Variants in OCRL observed in about 807,000 individuals in gnomAD.
OCRL encodes the protein OCRL inositol polyphosphate-5-phosphatase.
In OCRL, 8 loss-of-function variants were observed where a neutral mutation model predicts 78.9. The ratio of observed to expected loss-of-function variants is 0.10; its 90% CI spans 0.06 to 0.18. OCRL has a LOEUF of 0.18. Ranked by LOEUF, OCRL falls within the 10% of genes least tolerant of loss-of-function variation. The pLI, the probability that OCRL is intolerant of heterozygous loss-of-function variation, is 1.00. For missense variants in OCRL, 454 were observed against 696.7 expected, an observed-to-expected ratio of 0.65 and a Z score of 3.92; for synonymous variants, 240 against 235.4, an observed-to-expected ratio of 1.02 and a Z score of -0.18.
In OCRL at chrX:129,540,455, C is replaced by G. The variant is rs1390002989; in HGVS notation, c.16C>G (p.Pro6Ala). Residue 6 changes from proline (P) to alanine (A), a missense_variant, in exon 1 of 24, where the codon CCG (proline) becomes GCG (alanine). Physicochemically the swap from Pro to Ala is conservative, Grantham distance 27. This residue lies in a region of OCRL where 177 missense variants were observed against 179.6 expected (regional missense o/e 0.99). Transcript: ENST00000371113. MEPPL[P>A]VGAQPLATVE... The stretch of plus-strand genomic sequence containing the variant: ...GGCCGCCTGGATGGAGCCGCCGCTC[C>G]CGGTCGGAGCCCAGCCGCTTGCCGT... 4 of 1,151,990 alleles carry G rather than the reference C, an allele frequency of 3.5e-6. No homozygotes were observed. The African/African-American group carries it at 7.3e-5, about 21-fold the overall frequency. The allele number at this position is 1,151,990 out of a possible 1,213,427, so 94.9% of individuals were successfully genotyped here.
intron 4 of OCRL, among the ~76,000 whole-genome samples, chrX:129,550,618 C>T (rs1935947162): frequency 9.0e-6 from 1 of 110,810 alleles, no homozygotes; most frequent in Non-Finnish European, 1.9e-5. Flanking sequence ...TTTTCTATGT[C>T]CTTCTAATTG....
rs775111799 is a variant in OCRL, at chrX:129,584,396, G to C, written c.2139+29G>C. On this transcript the variant is annotated intron_variant, in intron 19 of 23. Transcript: ENST00000371113. ...ATGCAATCCATTGGTGGTTATGAGAGTTTCCCTGTGCTTGATTAACACTTA... is the reference window on the plus strand; with the variant it reads ...ATGCAATCCATTGGTGGTTATGAGACTTTCCCTGTGCTTGATTAACACTTA... 1.1e-5 allele frequency: 13 copies of C among 1,179,178 alleles called. No individual in the cohort carries two copies. In the East Asian group the frequency reaches 3.9e-4, roughly 35 times the overall value.
At chrX:129,547,251 C>T (rs1042611864) in intron 3 of OCRL, among the ~76,000 whole-genome samples, 16 of 109,902 alleles carry the variant, frequency 1.5e-4, no homozygotes, top group East Asian at 5.7e-4. Context: ...ACCGGCTGGG[C>T]GCGGTGGCTC....
At chrX:129,550,491 T>G (rs1489876833) in intron 4 of OCRL, among the ~76,000 whole-genome samples, 1 of 111,892 alleles carries the variant, frequency 8.9e-6, no homozygotes, top group Non-Finnish European at 1.9e-5. Flanking sequence ...ATATATCTGT[T>G]TTTTTCAGGT....
In OCRL at chrX:129,567,503, T is replaced by A. The variant is rs1936232720; in HGVS notation, c.1466+140T>A. On this transcript the variant is annotated intron_variant, in intron 14 of 23. Transcript: ENST00000371113. The stretch of plus-strand genomic sequence containing the variant: ...ACCTAATGGCTCAGTGCCTCAGTGC[T>A]ATTATAGAACAATAAGAGTGTTTCA... 2.1e-5 allele frequency: 10 copies of A among 476,353 alleles called. No individual in the cohort carries two copies. The South Asian group carries it at 3.1e-4, about 15-fold the overall frequency. 39.3% of individuals were successfully genotyped at this position (476,353 alleles called of 1,213,427 possible).
At chrX:129,581,947 C>G (rs776996945) in intron 18 of OCRL, among the ~76,000 whole-genome samples, 1 of 104,256 alleles carries the variant, frequency 9.6e-6, no homozygotes, top group Non-Finnish European at 1.9e-5. Context: ...GGGCCTATCA[C>G]TTCCTTGCTT....
chrX:129,550,274 C>A, intron 4 of OCRL, among the ~76,000 whole-genome samples: 1 of 112,244 alleles, frequency 8.9e-6, no homozygotes, highest in Non-Finnish European at 1.9e-5. Flanking sequence ...GTATTTCCTT[C>A]CAGTCTTTAT....
intron 15 of OCRL, among the ~76,000 whole-genome samples, chrX:129,574,315 T>C (rs1936340650): frequency 8.9e-6 from 1 of 112,691 alleles, no homozygotes; most frequent in African/African-American, 3.2e-5. Context: ...CTGTTAGTTA[T>C]GTTAATTTTG....
At chrX:129,552,671 C>T (rs1295038965) in intron 4 of OCRL, among the ~76,000 whole-genome samples, 1 of 112,199 alleles carries the variant, frequency 8.9e-6, no homozygotes, top group Non-Finnish European at 1.9e-5. Context: ...GTGATCTGCC[C>T]ACCTCGGCCT....
chrX:129,565,217 G>A (rs1185536656), intron 12 of OCRL, among the ~76,000 whole-genome samples: 2 of 111,634 alleles, frequency 1.8e-5, no homozygotes, highest in East Asian at 5.6e-4. Flanking sequence ...TGCTGTTATT[G>A]GGAGCTGAGG....
chrX:129,567,415 C>A, intron 14 of OCRL, 52 bp downstream of exon 14: 1 of 896,837 alleles, frequency 1.1e-6, no homozygotes, highest in Non-Finnish European at 1.6e-6. Flanking sequence ...GATCTTATTT[C>A]TGACCCTCCA....
In OCRL at chrX:129,577,211, C is replaced by T. The variant is rs190812080; in HGVS notation, c.2115+659C>T. On this transcript the variant is annotated intron_variant, in intron 18 of 23. Transcript: ENST00000371113. ...GGAGCCTACAGATCTGCATTTTATC[C>T]GCATTCCAGATGCTTATAATGTACA... 9.4e-4 allele frequency among the ~76,000 whole-genome samples: 104 copies of T among 111,189 alleles called. 1 individual carries two copies. Among genetic ancestry groups the T allele is most frequent in the South Asian group, 3.4e-3 (9 of 2,636 alleles).
chrX:129,545,059 C>T lies in OCRL; in HGVS notation c.199+22C>T, dbSNP rs1935860643. ...CAAGGTACTAGCTTTAATTCCTTAG[C>T]TAGTTTTATAATGTTTTTTCTCGGT... On this transcript the variant is annotated intron_variant, in intron 3 of 23. Transcript: ENST00000371113. The T allele has an allele frequency of 7.0e-6, 6 of 852,756 alleles. 1 individual carries two copies. The African/African-American group carries it at 1.0e-4, about 14-fold the overall frequency. 70.3% of individuals were successfully genotyped at this position (852,756 alleles called of 1,213,427 possible). A position where few individuals can be genotyped will look rare whatever the true frequency, so the allele number is the denominator to read the frequency against.
intron 5 of OCRL, 144 bp downstream of exon 5, chrX:129,557,579 A>T: frequency 1.7e-6 from 1 of 579,490 alleles, no homozygotes; most frequent in Non-Finnish European, 2.9e-6. Flanking sequence ...AGGAGTGAAC[A>T]CAGGGATAGG....
At chrX:129,540,903 G>C in intron 2 of OCRL, 80 bp downstream of exon 2, 2 of 827,743 alleles carry the variant, frequency 2.4e-6, no homozygotes, top group South Asian at 2.0e-5. Context: ...GTCACCCACT[G>C]TCCTCCTACT....
chrX:129,582,841 C>T (rs1936462159), intron 18 of OCRL, among the ~76,000 whole-genome samples: 1 of 111,720 alleles, frequency 9.0e-6, no homozygotes, highest in African/African-American at 3.3e-5. Flanking sequence ...AGTATTACCA[C>T]TAGGAATGCC....
At chrX:129,563,744 A>T (rs1293519714) in intron 12 of OCRL, among the ~76,000 whole-genome samples, 1 of 111,865 alleles carries the variant, frequency 8.9e-6, no homozygotes, top group Non-Finnish European at 1.9e-5. Flanking sequence ...TTTTAAAGAA[A>T]TTAATATACC....
At chrX:129,567,808 T>C (rs6637622) in intron 14 of OCRL, among the ~76,000 whole-genome samples, 15,165 of 111,451 alleles carry the variant, frequency 0.14, 1,911 homozygotes, top group East Asian at 0.67. Context: ...CTTAAAAGAC[T>C]TTAGAATCCC....
At chrX:129,542,166 T>A (rs1215969501) in intron 2 of OCRL, among the ~76,000 whole-genome samples, 1 of 110,079 alleles carries the variant, frequency 9.1e-6, no homozygotes, top group Non-Finnish European at 1.9e-5. Flanking sequence ...AGCTACATTG[T>A]TGAGATGACC....
Sources: allele counts gnomAD v4.1 joint callset (sites outside exome capture counted in the v4.1 genomes callset), GRCh38; gene constraint gnomAD v4.1.1; regional missense constraint gnomAD v4.1.1; transcripts MANE v1.5; gene names NCBI Gene and HGNC (gene_info 2026-07-23, HGNC 2026-07-21).